Variants in ILKAP observed in about 807,000 individuals in gnomAD.
ILKAP encodes integrin-linked kinase-associated serine/threonine phosphatase 2C.
A neutral mutation model predicts 49.1 loss-of-function variants in ILKAP; 11 were observed. The observed-to-expected ratio is 0.22, with a 90% CI of 0.14 to 0.37. ILKAP has a LOEUF of 0.37. Among genes scored for constraint, ILKAP ranks in the 10% least tolerant of loss-of-function variants. The probability of loss-of-function intolerance (pLI) is 1.00; values close to 1 mark genes in which losing one functional copy is unlikely to be tolerated. For synonymous variants in ILKAP, 186 were observed against 192.8 expected (o/e 0.96, Z 0.29); for missense variants, 363 against 510.8 (o/e 0.71, Z 2.79).
rs1402840510 is a variant in ILKAP, at chr2:238,202,016, G to A, written c.55+1483C>T. On this transcript the variant is annotated intron_variant, in intron 1 of 11. Coordinates refer to ENST00000254654, the MANE Select transcript of ILKAP (RefSeq NM_030768.3). ...GAGGCGGGCGGATCACCTGAGGTCA[G>A]GAGTTCAAGACCACCCTACCCAACA... Among the ~76,000 whole-genome samples the A allele has an allele frequency of 2.0e-5, 3 of 152,162 alleles. No homozygotes were observed. In the East Asian group the frequency reaches 5.8e-4, roughly 29 times the overall value.
At chr2:238,185,498 T>A (rs1693865628) in intron 5 of ILKAP, 1 of 483,682 alleles carries the variant, frequency 2.1e-6, no homozygotes, top group Middle Eastern at 5.7e-4. Flanking sequence ...TTATCTTTTT[T>A]TAAAAAAAAA....
At chr2:238,178,556 T>A (rs1693563200) in intron 9 of ILKAP, among the ~76,000 whole-genome samples, 1 of 152,152 alleles carries the variant, frequency 6.6e-6, no homozygotes, top group African/African-American at 2.4e-5. Context: ...GAACCAAGAT[T>A]TCTAGCATTA....
At chr2:238,173,885 C>T (rs3739059) in intron 9 of ILKAP, 12,847 of 537,098 alleles carry the variant, frequency 0.024, 217 homozygotes, top group South Asian at 0.06. Flanking sequence ...GGGAACAGCA[C>T]CTCCAGTGGC....
chr2:238,171,974 G>A (rs974466031), intron 10 of ILKAP, among the ~76,000 whole-genome samples: 21 of 152,180 alleles, frequency 1.4e-4, no homozygotes, highest in African/African-American at 4.1e-4. Flanking sequence ...ACAGCTTTGC[G>A]GTATAAGCCA....
chr2:238,175,889 A>G (rs1198221055), intron 9 of ILKAP, among the ~76,000 whole-genome samples: 2 of 151,686 alleles, frequency 1.3e-5, no homozygotes, highest in African/African-American at 4.8e-5. Context: ...GACTCAAATG[A>G]TCCTCCTGCC....
intron 9 of ILKAP, among the ~76,000 whole-genome samples, chr2:238,175,986 T>C (rs1693435221): frequency 6.6e-6 from 1 of 152,130 alleles, no homozygotes; most frequent in African/African-American, 2.4e-5. Context: ...TGCGCTACTC[T>C]AGACACAATA....
At chr2:238,197,535 C>G (rs558416633) in intron 1 of ILKAP, among the ~76,000 whole-genome samples, 1 of 152,152 alleles carries the variant, frequency 6.6e-6, no homozygotes, top group African/African-American at 2.4e-5. Context: ...TGCCACTGTA[C>G]AAGGGAGGAA....
chr2:238,198,459 G>C lies in ILKAP; in HGVS notation c.56-3589C>G, dbSNP rs922670878. Among the ~76,000 whole-genome samples, 4 of 152,078 alleles carry C rather than the reference G, an allele frequency of 2.6e-5. No homozygotes were observed. The East Asian group carries it at 7.7e-4, about 29-fold the overall frequency. Reference sequence around the variant, plus strand: ...TCACTATGTTGCCCAGGTTGGTCACGAACTACTGTACTCAAGCAATCTTCC... The same window carrying C: ...TCACTATGTTGCCCAGGTTGGTCACCAACTACTGTACTCAAGCAATCTTCC... On this transcript the variant is annotated intron_variant, in intron 1 of 11. Transcript: ENST00000254654.
chr2:238,180,689 G>A (rs1000967356), intron 9 of ILKAP, among the ~76,000 whole-genome samples: 12 of 152,230 alleles, frequency 7.9e-5, no homozygotes, highest in African/African-American at 2.7e-4. Flanking sequence ...TGAGATGAAG[G>A]AGTCACCCAA....
intron 1 of ILKAP, among the ~76,000 whole-genome samples, chr2:238,199,616 T>G (rs1318704995): frequency 6.6e-6 from 1 of 152,220 alleles, no homozygotes; most frequent in Non-Finnish European, 1.5e-5. Flanking sequence ...TGCAATTATT[T>G]TCTCGGTTTG....
chr2:238,195,202 A>G (rs1037690482), intron 1 of ILKAP, among the ~76,000 whole-genome samples: 1 of 152,198 alleles, frequency 6.6e-6, no homozygotes, highest in Non-Finnish European at 1.5e-5. Context: ...TCTTTAAAAT[A>G]GAATCCTGGG....
intron 9 of ILKAP, among the ~76,000 whole-genome samples, chr2:238,174,670 G>A (rs865951710): frequency 1.1e-4 from 17 of 152,286 alleles, no homozygotes; most frequent in Middle Eastern, 3.4e-3. Context: ...GTCAGTATCC[G>A]TAACAAACAT....
intron 5 of ILKAP, chr2:238,186,976 G>C (rs951060677): frequency 6.6e-6 from 1 of 152,252 alleles, no homozygotes. Context: ...CCCAGGCTGG[G>C]TATGGTGGCT....
In ILKAP at chr2:238,203,496, T is replaced by C. The variant is rs2106344062; in HGVS notation, c.55+3A>G. ...TGGCCGGCCCGGCGGCAACGCCGCT[T>C]ACCGGCAGCCGGGCGCGGCGAGCGC... On this transcript the variant is annotated splice_donor_region_variant and intron_variant, in intron 1 of 11. Transcript: ENST00000254654. 1 of 1,250,610 alleles carries C rather than the reference T, an allele frequency of 8.0e-7. No individual in the cohort carries two copies. Among genetic ancestry groups the C allele is most frequent in the Non-Finnish European group, 1.0e-6 (1 of 985,272 alleles). 77.5% of individuals were successfully genotyped at this position (1,250,610 alleles called of 1,614,324 possible). A position where few individuals can be genotyped will look rare whatever the true frequency, so the allele number is the denominator to read the frequency against.
intron 7 of ILKAP, 133 bp downstream of exon 7, chr2:238,183,887 C>T (rs1227127442): frequency 1.7e-5 from 16 of 952,932 alleles, no homozygotes; most frequent in Admixed American, 2.3e-5. Flanking sequence ...ATTTAGCTAA[C>T]GGTTATAAAA....
intron 1 of ILKAP, among the ~76,000 whole-genome samples, chr2:238,197,087 T>C (rs903757613): frequency 6.6e-6 from 1 of 152,154 alleles, no homozygotes; most frequent in Non-Finnish European, 1.5e-5. Flanking sequence ...CCCCAGCTAC[T>C]TGGGAGGCTG....
chr2:238,202,887 G>C (rs980300743), intron 1 of ILKAP, among the ~76,000 whole-genome samples: 11 of 116,734 alleles, frequency 9.4e-5, no homozygotes, highest in Non-Finnish European at 1.5e-4. Context: ...CCGTGGACCA[G>C]AAAAAAAAAA....
chr2:238,184,175 T>C (rs1267943941), intron 6 of ILKAP, 62 bp from the exon 7 acceptor site: 2 of 938,938 alleles, frequency 2.1e-6, no homozygotes, highest in African/African-American at 3.3e-5. Context: ...CTCCTCCCAC[T>C]GTCATTTTGG....
chr2:238,198,206 T>C (rs1472335185), intron 1 of ILKAP, among the ~76,000 whole-genome samples: 1 of 152,104 alleles, frequency 6.6e-6, no homozygotes, highest in Admixed American at 6.5e-5. Context: ...CATAGATACA[T>C]AAGGAAACTA....
Sources: gnomAD v4.1 joint callset for allele counts (sites outside exome capture counted in the v4.1 genomes callset) on GRCh38, gnomAD v4.1.1 for gene constraint, MANE v1.5 for transcripts, NCBI Gene and HGNC (gene_info 2026-07-23, HGNC 2026-07-21) for gene names.